Variants in KCNC2 observed in about 807,000 individuals in gnomAD.
KCNC2 encodes the protein potassium voltage-gated channel subfamily C member 2.
In KCNC2, 21 loss-of-function variants were observed where a neutral mutation model predicts 44.5. That is an observed-to-expected ratio of 0.47 (90% CI 0.33 to 0.68). The LOEUF (loss-of-function observed/expected upper bound fraction) is 0.68, where lower values mean the gene tolerates loss of function less well. Among genes scored for constraint, KCNC2 ranks in the 30% least tolerant of loss-of-function variants. The pLI, the probability that KCNC2 is intolerant of heterozygous loss-of-function variation, is 0.01. For missense variants in KCNC2, 589 were observed against 826.2 expected, an observed-to-expected ratio of 0.71 and a Z score of 3.52; for synonymous variants, 391 against 339.1, an observed-to-expected ratio of 1.15 and a Z score of -1.68.
At chr12:75,074,988 A>C (rs1352225902) in intron 2 of KCNC2, among the ~76,000 whole-genome samples, 1 of 152,234 alleles carries the variant, frequency 6.6e-6, no homozygotes, top group African/African-American at 2.4e-5. Context: ...AAAGTGGAAA[A>C]GGGACAGAAA....
chr12:75,083,451 C>T (rs973103021), intron 2 of KCNC2, among the ~76,000 whole-genome samples: 3 of 151,752 alleles, frequency 2.0e-5, no homozygotes, highest in Non-Finnish European at 4.4e-5. Flanking sequence ...AATGGGGGTG[C>T]ATATTAAAGC....
At chr12:75,166,814 C>G (rs889121686) in intron 2 of KCNC2, among the ~76,000 whole-genome samples, 1 of 150,952 alleles carries the variant, frequency 6.6e-6, no homozygotes, top group African/African-American at 2.4e-5. Flanking sequence ...CAGCTCTCCC[C>G]AAAGAAACAT....
intron 2 of KCNC2, among the ~76,000 whole-genome samples, chr12:75,185,342 G>A (rs1385714513): frequency 6.6e-6 from 1 of 152,124 alleles, no homozygotes; most frequent in Non-Finnish European, 1.5e-5. Flanking sequence ...GCCCCTCAAA[G>A]TTCATGTGTT....
At chr12:75,140,484 T>A (rs1889567051) in intron 2 of KCNC2, among the ~76,000 whole-genome samples, 1 of 152,178 alleles carries the variant, frequency 6.6e-6, no homozygotes, top group Non-Finnish European at 1.5e-5. Flanking sequence ...ATTATAAAAA[T>A]AAATTTGAAC....
intron 2 of KCNC2, among the ~76,000 whole-genome samples, chr12:75,154,555 A>G (rs1890628531): frequency 6.6e-6 from 1 of 152,010 alleles, no homozygotes; most frequent in Admixed American, 6.6e-5. Flanking sequence ...TGTAGCAAGT[A>G]AAAGATAAGC....
intron 2 of KCNC2, among the ~76,000 whole-genome samples, chr12:75,061,612 C>A (rs941900995): frequency 8.6e-6 from 1 of 115,954 alleles, no homozygotes; most frequent in Non-Finnish European, 1.9e-5. Context: ...CACACACACA[C>A]AAAACACAGA....
chr12:75,203,866 A>G (rs2031485889), intron 2 of KCNC2, among the ~76,000 whole-genome samples: 1 of 151,836 alleles, frequency 6.6e-6, no homozygotes. Context: ...ATTTTTAAAA[A>G]CTTCTAAAAA....
At chr12:75,087,862 C>A (rs1285261581) in intron 2 of KCNC2, among the ~76,000 whole-genome samples, 1 of 152,018 alleles carries the variant, frequency 6.6e-6, no homozygotes, top group African/African-American at 2.4e-5. Context: ...AGAAGAATCT[C>A]GATATGACAC....
Position 75,144,640 on chromosome 12 carries a change from G to GTATA in KCNC2, c.687+62653_687+62656dup, listed in dbSNP as rs35763797. 7.4e-5 allele frequency among the ~76,000 whole-genome samples: 11 copies of GTATA among 149,354 alleles called. No individual in the cohort carries two copies. In the South Asian group the frequency reaches 1.1e-3, roughly 14 times the overall value. ...TACTTTTGTGTGTGTGTGTGTGTGT[G>GTATA]TATATATATATATGTACAACACACC... On this transcript the variant is annotated intron_variant, in intron 2 of 4. Coordinates refer to ENST00000549446, the MANE Select transcript of KCNC2 (RefSeq NM_139137.4).
At chr12:75,105,452 T>C (rs555699312) in intron 2 of KCNC2, among the ~76,000 whole-genome samples, 1 of 152,226 alleles carries the variant, frequency 6.6e-6, no homozygotes, top group East Asian at 1.9e-4. Context: ...TAGGAAGCCA[T>C]TCTTGTATTT....
chr12:75,204,327 G>T (rs557025614), intron 2 of KCNC2, among the ~76,000 whole-genome samples: 5 of 151,964 alleles, frequency 3.3e-5, no homozygotes, highest in African/African-American at 1.2e-4. Context: ...AGGCAAAAAT[G>T]CAGGGTTGCA....
At chr12:75,069,073 A>C (rs1459099575) in intron 2 of KCNC2, among the ~76,000 whole-genome samples, 1 of 151,720 alleles carries the variant, frequency 6.6e-6, no homozygotes, top group Non-Finnish European at 1.5e-5. Flanking sequence ...TACCTTAAAC[A>C]TAGCTAAAAC....
intron 2 of KCNC2, among the ~76,000 whole-genome samples, chr12:75,167,254 T>C (rs531125781): frequency 2.6e-5 from 4 of 151,512 alleles, no homozygotes; most frequent in South Asian, 4.1e-4. Context: ...TTTTTTATTA[T>C]CTTTAATTTT....
intron 2 of KCNC2, among the ~76,000 whole-genome samples, chr12:75,068,598 T>C (rs1046354237): frequency 6.6e-6 from 1 of 151,622 alleles, no homozygotes; most frequent in Non-Finnish European, 1.5e-5. Context: ...ATAGGAATTG[T>C]CTACTGACAA....
At chr12:75,069,308 A>AT (rs1046265782) in intron 2 of KCNC2, among the ~76,000 whole-genome samples, 1 of 151,112 alleles carries the variant, frequency 6.6e-6, no homozygotes. Context: ...CTAATTTTGT[A>AT]TTTTTTTAGT....
intron 2 of KCNC2, among the ~76,000 whole-genome samples, chr12:75,122,265 C>G (rs1888099066): frequency 6.6e-6 from 1 of 152,178 alleles, no homozygotes. Flanking sequence ...GAGGTACCCT[C>G]CAAAATTGGC....
chr12:75,165,578 C>T (rs1284008104), intron 2 of KCNC2, among the ~76,000 whole-genome samples: 1 of 151,230 alleles, frequency 6.6e-6, no homozygotes, highest in Non-Finnish European at 1.5e-5. Context: ...TTCACATGTA[C>T]ATATTTATTT....
chr12:75,134,431 T>A (rs1207691478), intron 2 of KCNC2, among the ~76,000 whole-genome samples: 7 of 151,882 alleles, frequency 4.6e-5, no homozygotes, highest in African/African-American at 1.4e-4. Context: ...AACAATACAG[T>A]TCAATTGAAC....
chr12:75,184,923 T>C (rs1255338864), intron 2 of KCNC2, among the ~76,000 whole-genome samples: 3 of 152,192 alleles, frequency 2.0e-5, no homozygotes, highest in Non-Finnish European at 4.4e-5. Flanking sequence ...ATAAGCATGA[T>C]TGTGACAGTT....
Sources: allele counts gnomAD v4.1 joint callset (sites outside exome capture counted in the v4.1 genomes callset), GRCh38; gene constraint gnomAD v4.1.1; transcripts MANE v1.5; gene names NCBI Gene and HGNC (gene_info 2026-07-23, HGNC 2026-07-21).